The following EIF4E3 variants were observed in gnomAD, a reference collection of about 807,000 sequenced individuals.
EIF4E3 encodes eukaryotic translation initiation factor 4E type 3.
A neutral mutation model predicts 31.7 loss-of-function variants in EIF4E3; 26 were observed. The observed-to-expected ratio is 0.82, with a 90% CI of 0.60 to 1.14. The LOEUF (loss-of-function observed/expected upper bound fraction) is 1.14, where lower values mean the gene tolerates loss of function less well. Ranked by LOEUF, EIF4E3 falls within the 50% of genes most tolerant of loss-of-function variation. The pLI, the probability that EIF4E3 is intolerant of heterozygous loss-of-function variation, is 0.00. For missense variants in EIF4E3, 304 were observed against 270.9 expected (o/e 1.12, Z -0.86); for synonymous variants, 128 against 107.7 (o/e 1.19, Z -1.17).
chr3:71,751,395 A>G (rs1010043672), intron 1 of EIF4E3, among the ~76,000 whole-genome samples: 5 of 152,228 alleles, frequency 3.3e-5, no homozygotes, highest in African/African-American at 1.2e-4. Flanking sequence ...ATTACATTAA[A>G]TAACACATGT....
At chr3:71,717,100 A>T (rs982045404) in intron 1 of EIF4E3, among the ~76,000 whole-genome samples, 4 of 152,190 alleles carry the variant, frequency 2.6e-5, no homozygotes, top group Non-Finnish European at 4.4e-5. Flanking sequence ...GCTTCTTACA[A>T]AGTAAAGAAG....
intron 1 of EIF4E3, among the ~76,000 whole-genome samples, chr3:71,712,788 T>A (rs2049401540): frequency 6.6e-6 from 1 of 151,624 alleles, no homozygotes; most frequent in African/African-American, 2.4e-5. Flanking sequence ...AAATGTTTGC[T>A]TCATACAGTA....
At chr3:71,752,690 G>A (rs546561648) in intron 1 of EIF4E3, among the ~76,000 whole-genome samples, 33 of 152,220 alleles carry the variant, frequency 2.2e-4, no homozygotes, top group Admixed American at 7.2e-4. Flanking sequence ...CTAGTTAGAA[G>A]AGCATGATTT....
intron 1 of EIF4E3, among the ~76,000 whole-genome samples, chr3:71,743,329 C>A (rs1231539067): frequency 1.3e-5 from 2 of 152,016 alleles, no homozygotes; most frequent in Admixed American, 6.6e-5. Context: ...CAATTATATT[C>A]TTTTTAGGGT....
At chr3:71,662,172 T>C in the EIF4E3 span, among the ~76,000 whole-genome samples, 58 of 152,314 alleles carry the variant, frequency 3.8e-4, no homozygotes, top group Admixed American at 1.6e-3. Context: ...CTTCATACTG[T>C]AAGGGCAAGG....
downstream of EIF4E3, among the ~76,000 whole-genome samples, chr3:71,670,792 T>C (rs879371684): frequency 1.3e-5 from 2 of 152,160 alleles, no homozygotes; most frequent in African/African-American, 4.8e-5. Flanking sequence ...AAAAGAGCCT[T>C]CGCGTGCATT....
intron 6 of EIF4E3, among the ~76,000 whole-genome samples, chr3:71,686,901 G>A (rs867658134): frequency 6.6e-6 from 1 of 152,208 alleles, no homozygotes. Context: ...AGGGATTATA[G>A]AATTGCTCTA....
the EIF4E3 span, among the ~76,000 whole-genome samples, chr3:71,662,171 G>T: frequency 6.6e-6 from 1 of 152,154 alleles, no homozygotes; most frequent in Admixed American, 6.6e-5. Context: ...ACTTCATACT[G>T]TAAGGGCAAG....
In EIF4E3 at chr3:71,676,888, G is replaced by C. The variant is rs970592062; in HGVS notation, c.*7794C>G. On this transcript the variant is annotated 3_prime_UTR_variant, in exon 7 of 7. Transcript: ENST00000425534. ...TCCATCATTCTTTTCCAGTAAGCAT[G>C]AATCACAAAACTCAAATGTTTCCTA... 2.6e-5 allele frequency: 4 copies of C among 152,182 alleles called. No homozygotes were observed. Among genetic ancestry groups the C allele is most frequent in the Admixed American group, 6.5e-5 (1 of 15,268 alleles). 9.4% of individuals were successfully genotyped at this position (152,182 alleles called of 1,614,324 possible).
At chr3:71,714,242 A>AAGAAAGG (rs1559602441) in intron 1 of EIF4E3, among the ~76,000 whole-genome samples, 81 of 132,016 alleles carry the variant, frequency 6.1e-4, no homozygotes, top group Non-Finnish European at 1.1e-3. Context: ...GGGAAGAAGG[A>AAGAAAGG]AAGGAAGGAA....
chr3:71,750,688 G>A (rs1159488551), intron 1 of EIF4E3, among the ~76,000 whole-genome samples: 1 of 152,096 alleles, frequency 6.6e-6, no homozygotes, highest in Non-Finnish European at 1.5e-5. Context: ...GGGAGGCTGA[G>A]GTGGGAGGAT....
intron 1 of EIF4E3, among the ~76,000 whole-genome samples, chr3:71,731,389 T>G (rs898362912): frequency 2.6e-4 from 39 of 152,230 alleles, no homozygotes; most frequent in African/African-American, 9.4e-4. Context: ...TCCGCTTGCA[T>G]GGCTGACTCC....
At chr3:71,725,662 T>G (rs2049628699), upstream of EIF4E3, among the ~76,000 whole-genome samples, 2 of 149,714 alleles carry the variant, frequency 1.3e-5, no homozygotes. The surrounding 1 kb of genome is among the most constrained non-coding windows in gnomAD (Gnocchi z 6.1). Context: ...TGGCCTGGAG[T>G]GGCGGCCGGG....
chr3:71,739,715 A>G (rs1046679049), intron 1 of EIF4E3, among the ~76,000 whole-genome samples: 9 of 152,064 alleles, frequency 5.9e-5, no homozygotes, highest in Admixed American at 3.9e-4. Flanking sequence ...AAGAAATGTC[A>G]TGGGAATTCC....
intron 1 of EIF4E3, among the ~76,000 whole-genome samples, chr3:71,737,805 C>T (rs970626964): frequency 4.6e-5 from 7 of 152,094 alleles, no homozygotes; most frequent in Admixed American, 3.3e-4. Context: ...AAAACAACAA[C>T]AACAGAGATT....
In EIF4E3 at chr3:71,679,269, C is replaced by T. The variant is rs2048896653; in HGVS notation, c.*5413G>A. On this transcript the variant is annotated 3_prime_UTR_variant, in exon 7 of 7. Transcript: ENST00000425534. ...GGTAGCATAAATTTTCTATAGAAAA[C>T]TCAGAAACACTCAATTTACTTCATG... 6.6e-6 allele frequency: 1 copy of T among 152,116 alleles called. No homozygotes were observed. The highest frequency in any genetic ancestry group is 6.5e-5 in the Admixed American group (1 of 15,268). The allele number at this position is 152,116 out of a possible 1,614,324, so 9.4% of individuals were successfully genotyped here. A position where few individuals can be genotyped will look rare whatever the true frequency, so the allele number is the denominator to read the frequency against.
intron 5 of EIF4E3, among the ~76,000 whole-genome samples, chr3:71,690,803 T>C (rs955602082): frequency 2.0e-5 from 3 of 152,244 alleles, no homozygotes; most frequent in African/African-American, 7.2e-5. Context: ...TACTGTGGGC[T>C]AGAGAGCCAA....
At chr3:71,726,236 C>G (rs889229660), upstream of EIF4E3, among the ~76,000 whole-genome samples, 1 of 152,160 alleles carries the variant, frequency 6.6e-6, no homozygotes, top group African/African-American at 2.4e-5. Flanking sequence ...CCAAAATCAG[C>G]CAAAGTATCC....
At chr3:71,728,684 C>T (rs953650092), upstream of EIF4E3, 41 of 152,678 alleles carry the variant, frequency 2.7e-4, no homozygotes, top group Non-Finnish European at 2.9e-5. Context: ...CAATTAGCTG[C>T]AGCAGCTACT....
Sources: allele counts gnomAD v4.1 joint callset (sites outside exome capture counted in the v4.1 genomes callset), GRCh38; gene constraint gnomAD v4.1.1; non-coding constraint Gnocchi (gnomAD v3.1); transcripts MANE v1.5; gene names NCBI Gene and HGNC (gene_info 2026-07-23, HGNC 2026-07-21).